The following BMP5 variants were observed in gnomAD, a reference collection of about 807,000 sequenced individuals.
The protein encoded by BMP5 is bone morphogenetic protein 5.
A neutral mutation model predicts 46.6 loss-of-function variants in BMP5; 23 were observed. The ratio of observed to expected loss-of-function variants is 0.49; its 90% CI spans 0.35 to 0.70. The LOEUF is 0.70. BMP5 is among the 30% of genes least tolerant of loss of function. BMP5 has a pLI of 0.00. For synonymous variants in BMP5, 204 were observed against 191.9 expected (o/e 1.06, Z -0.52); for missense variants, 545 against 565.6 (o/e 0.96, Z 0.37).
chr6:55,866,414 A>C (rs1479839727), intron 1 of BMP5, among the ~76,000 whole-genome samples: 3 of 152,192 alleles, frequency 2.0e-5, no homozygotes, highest in African/African-American at 7.2e-5. Flanking sequence ...TATCTACCTC[A>C]TTCTAACATT....
At chr6:55,867,865 C>A (rs1777689163) in intron 1 of BMP5, among the ~76,000 whole-genome samples, 1 of 152,148 alleles carries the variant, frequency 6.6e-6, no homozygotes, top group African/African-American at 2.4e-5. Context: ...GTTCACGCTG[C>A]TAGTAAGCGT....
At chr6:55,755,990 G>A (rs987410499) in intron 6 of BMP5, among the ~76,000 whole-genome samples, 3 of 151,870 alleles carry the variant, frequency 2.0e-5, no homozygotes, top group Non-Finnish European at 2.9e-5. Flanking sequence ...CAACTAGCAC[G>A]TTGTTGCTTT....
intron 1 of BMP5, among the ~76,000 whole-genome samples, chr6:55,846,248 G>C (rs1205624552): frequency 2.0e-5 from 3 of 151,988 alleles, no homozygotes; most frequent in Non-Finnish European, 4.4e-5. Context: ...CCAAGACATT[G>C]TCTTGAAATG....
intron 2 of BMP5, among the ~76,000 whole-genome samples, chr6:55,800,493 A>G (rs1226911847): frequency 6.6e-6 from 1 of 152,202 alleles, no homozygotes. Flanking sequence ...ATATCATTTG[A>G]TATGATTATA....
intron 2 of BMP5, among the ~76,000 whole-genome samples, chr6:55,813,365 T>C (rs1180403159): frequency 6.6e-6 from 1 of 152,010 alleles, no homozygotes. Flanking sequence ...GAATATTTGA[T>C]GGGTTCCTTC....
At chr6:55,860,515 T>C (rs1297006181) in intron 1 of BMP5, among the ~76,000 whole-genome samples, 1 of 152,192 alleles carries the variant, frequency 6.6e-6, no homozygotes, top group Non-Finnish European at 1.5e-5. Flanking sequence ...AGAAATCAGA[T>C]ATTAAGATCC....
In BMP5 at chr6:55,854,499, T is replaced by C. The variant is rs58648346; in HGVS notation, c.490+19877A>G. Among the ~76,000 whole-genome samples, 1,208 of 152,190 alleles carry C rather than the reference T, an allele frequency of 7.9e-3. 20 individuals are homozygous for C. Among genetic ancestry groups the C allele is most frequent in the African/African-American group, 0.027 (1,126 of 41,578 alleles). ...ATACACATATATGTATATGTGTGTATATATGCATATATATTTATCATTCAA... is the reference window on the plus strand; with the variant it reads ...ATACACATATATGTATATGTGTGTACATATGCATATATATTTATCATTCAA... On this transcript the variant is annotated intron_variant, in intron 1 of 6. Transcript: ENST00000370830.
intron 2 of BMP5, among the ~76,000 whole-genome samples, chr6:55,810,527 A>G (rs186698611): frequency 9.8e-5 from 15 of 152,318 alleles, no homozygotes; most frequent in African/African-American, 3.4e-4. Context: ...CCCTCATTCA[A>G]CAAGCAAAAA....
intron 1 of BMP5, among the ~76,000 whole-genome samples, chr6:55,832,675 C>G (rs1776693975): frequency 6.6e-6 from 1 of 152,094 alleles, no homozygotes; most frequent in Non-Finnish European, 1.5e-5. Context: ...AAATCGGTAC[C>G]TAACCACATC....
chr6:55,863,926 G>C (rs535877350), intron 1 of BMP5, among the ~76,000 whole-genome samples: 2 of 152,036 alleles, frequency 1.3e-5, no homozygotes, highest in Non-Finnish European at 2.9e-5. Context: ...ATCTAGGTTT[G>C]TGTAAGTACA....
chr6:55,859,234 C>T (rs1777475098), intron 1 of BMP5, among the ~76,000 whole-genome samples: 1 of 152,086 alleles, frequency 6.6e-6, no homozygotes, highest in South Asian at 2.1e-4. Flanking sequence ...GTTCATTTTC[C>T]TCAGGAACTC....
intron 2 of BMP5, among the ~76,000 whole-genome samples, chr6:55,816,526 T>C (rs1000296850): frequency 1.3e-5 from 2 of 152,130 alleles, no homozygotes; most frequent in Non-Finnish European, 1.5e-5. Context: ...TATTAGTATC[T>C]TAATTTTATA....
intron 2 of BMP5, among the ~76,000 whole-genome samples, chr6:55,804,386 A>G (rs903839328): frequency 6.6e-6 from 1 of 152,162 alleles, no homozygotes; most frequent in Admixed American, 6.6e-5. Flanking sequence ...AACGGGAAGG[A>G]AGCATCATCC....
rs1362006615 is a variant in BMP5 at position 55,846,539 on chromosome 6, C to T, written c.491-26692G>A. 2.0e-5 allele frequency among the ~76,000 whole-genome samples: 3 copies of T among 151,888 alleles called. No homozygotes were observed. The East Asian group carries it at 5.8e-4, about 29-fold the overall frequency. ...TCAACTTCTCTAGTAGACCATTTCT[C>T]TTGTCATGTACTTCTTCTTCAATTA... is the stretch of plus-strand genomic sequence containing the variant. On this transcript the variant is annotated intron_variant, in intron 1 of 6. Coordinates refer to ENST00000370830, the MANE Select transcript of BMP5 (RefSeq NM_021073.4).
intron 3 of BMP5, among the ~76,000 whole-genome samples, chr6:55,778,692 G>T (rs990915203): frequency 6.6e-6 from 1 of 151,956 alleles, no homozygotes; most frequent in South Asian, 2.1e-4. Flanking sequence ...AAATATATGG[G>T]TATATTATTT....
At chr6:55,855,551 G>A (rs1240436946) in intron 1 of BMP5, among the ~76,000 whole-genome samples, 2 of 151,776 alleles carry the variant, frequency 1.3e-5, no homozygotes, top group Non-Finnish European at 2.9e-5. Flanking sequence ...TGATTACTTG[G>A]TCTTGCAAAT....
chr6:55,848,205 C>T (rs1056963338), intron 1 of BMP5, among the ~76,000 whole-genome samples: 1 of 151,848 alleles, frequency 6.6e-6, no homozygotes, highest in African/African-American at 2.4e-5. Context: ...GGAAGACCAC[C>T]CTAATGTATG....
chr6:55,818,920 T>A (rs1220621228), intron 2 of BMP5, among the ~76,000 whole-genome samples: 2 of 151,252 alleles, frequency 1.3e-5, no homozygotes, highest in Non-Finnish European at 2.9e-5. Flanking sequence ...TTTAGATACA[T>A]GAGAGATAGA....
intron 4 of BMP5, among the ~76,000 whole-genome samples, chr6:55,764,369 C>T (rs1439619834): frequency 6.6e-6 from 1 of 152,010 alleles, no homozygotes; most frequent in Non-Finnish European, 1.5e-5. Context: ...GTCAGAAGAT[C>T]GACACCATTC....
Sources: gnomAD v4.1 joint callset for allele counts (sites outside exome capture counted in the v4.1 genomes callset) on GRCh38, gnomAD v4.1.1 for gene constraint, MANE v1.5 for transcripts, NCBI Gene and HGNC (gene_info 2026-07-23, HGNC 2026-07-21) for gene names.